Variants in EML4 observed in about 807,000 individuals in gnomAD.
EML4 encodes the protein EMAP like 4, also known as echinoderm microtubule-associated protein-like 4.
A neutral mutation model predicts 129.0 loss-of-function variants in EML4; 72 were observed. That is an observed-to-expected ratio of 0.56 (90% CI 0.46 to 0.68). The LOEUF is 0.68. Among genes scored for constraint, EML4 ranks in the 30% least tolerant of loss-of-function variants. The pLI, the probability that EML4 is intolerant of heterozygous loss-of-function variation, is 0.00. For synonymous variants in EML4, 532 were observed against 405.0 expected (o/e 1.31, Z -3.77); for missense variants, 1,363 against 1,190.6 (o/e 1.14, Z -2.13).
At chr2:42,231,216 T>C (rs762776024) in intron 1 of EML4, among the ~76,000 whole-genome samples, 2 of 152,212 alleles carry the variant, frequency 1.3e-5, no homozygotes, top group Non-Finnish European at 2.9e-5. Flanking sequence ...TCTTTTGATA[T>C]CTTTGCAGTC....
At chr2:42,251,210 T>A (rs1675745245) in intron 2 of EML4, among the ~76,000 whole-genome samples, 1 of 152,198 alleles carries the variant, frequency 6.6e-6, no homozygotes, top group Non-Finnish European at 1.5e-5. Context: ...CTAGGTTACA[T>A]AGGCAGTTGT....
intron 2 of EML4, among the ~76,000 whole-genome samples, chr2:42,254,961 T>C (rs780605190): frequency 1.3e-5 from 2 of 152,194 alleles, no homozygotes; most frequent in African/African-American, 2.4e-5. Flanking sequence ...ATGAAATATA[T>C]GTGCTACAAC....
chr2:42,323,173 T>G (rs760851507), intron 19 of EML4, among the ~76,000 whole-genome samples: 4 of 152,238 alleles, frequency 2.6e-5, no homozygotes, highest in Non-Finnish European at 2.9e-5. Flanking sequence ...CAGAGGCCTG[T>G]ACTTTGCCAT....
At chr2:42,224,650 T>G (rs1673834079) in intron 1 of EML4, among the ~76,000 whole-genome samples, 1 of 152,128 alleles carries the variant, frequency 6.6e-6, no homozygotes, top group African/African-American at 2.4e-5. Context: ...GTGGCTGTAC[T>G]GTTTACATTC....
At chr2:42,324,728 A>C (rs1400840599) in intron 19 of EML4, among the ~76,000 whole-genome samples, 1 of 152,262 alleles carries the variant, frequency 6.6e-6, no homozygotes, top group Middle Eastern at 3.2e-3. Context: ...GTGAACCATA[A>C]GATCTGTGTA....
In EML4 at chr2:42,316,004, C is replaced by T. The variant is rs879264320; in HGVS notation, c.2010C>T (p.Ile670=). 2.5e-6 allele frequency: 4 copies of T among 1,613,522 alleles called. No homozygotes were observed. The Admixed American group carries it at 5.0e-5, about 20-fold the overall frequency. Residue 670 remains isoleucine, a synonymous_variant, in exon 18 of 23, where the codon ATC becomes ATT. Coordinates refer to ENST00000318522, the MANE Select transcript of EML4 (RefSeq NM_019063.5). ...CAGAAACCAGAGATCTAGTTTCTATCCACACAGACGGGAATGAACAGCTCT... is the reference window on the plus strand; with the variant it reads ...CAGAAACCAGAGATCTAGTTTCTATTCACACAGACGGGAATGAACAGCTCT... ...LDAETRDLVS[I]HTDGNEQLSV...
At chr2:42,238,407 A>G (rs532179074) in intron 1 of EML4, among the ~76,000 whole-genome samples, 10 of 152,278 alleles carry the variant, frequency 6.6e-5, no homozygotes, top group Admixed American at 1.3e-4. Flanking sequence ...GCTAATCCCA[A>G]CTGCAAAGAG....
rs374607647 is a variant in EML4, at chr2:42,245,641, C to G, written c.162C>G (p.Ile54Met). The G allele has an allele frequency of 6.8e-6, 11 of 1,613,232 alleles. No homozygotes were observed. The highest frequency in any genetic ancestry group is 9.3e-6 in the Non-Finnish European group (11 of 1,179,594). Residue 54 changes from isoleucine to methionine, a missense_variant, in exon 2 of 23, where the codon ATC (isoleucine) becomes ATG (methionine). Coordinates refer to ENST00000318522, the MANE Select transcript of EML4 (RefSeq NM_019063.5). ...ALADVLRRLA[I>M]SEDHVASVKK... ...CTGATGTTTTGAGGCGTCTTGCAAT[C>G]TCTGAAGATCATGTGGCCTCAGTGA...
intron 1 of EML4, among the ~76,000 whole-genome samples, chr2:42,187,801 G>T (rs951280789): frequency 3.3e-5 from 5 of 152,062 alleles, no homozygotes; most frequent in African/African-American, 4.8e-5. Flanking sequence ...TAAACTAACA[G>T]TCTTTAGAAG....
In EML4 at chr2:42,331,811, G is replaced by T. The variant is rs979306186; in HGVS notation, c.*1604G>T. The T allele has an allele frequency of 4.5e-6, 1 of 222,340 alleles. No homozygotes were observed. Among genetic ancestry groups the T allele is most frequent in the African/African-American group, 2.2e-5 (1 of 44,706 alleles). The allele number at this position is 222,340 out of a possible 1,614,324, so 13.8% of individuals were successfully genotyped here. On this transcript the variant is annotated 3_prime_UTR_variant, in exon 23 of 23. Coordinates refer to ENST00000318522, the MANE Select transcript of EML4 (RefSeq NM_019063.5). ...TGTATGGAAGGGTGTGGGTGTGTGT[G>T]AAGGGGCGAGTGGAGACACTGTGTG...
At chr2:42,245,044 G>A (rs2104296994) in intron 1 of EML4, among the ~76,000 whole-genome samples, 1 of 144,572 alleles carries the variant, frequency 6.9e-6, no homozygotes, top group African/African-American at 2.6e-5. Context: ...AAGTTAATAT[G>A]TGTCAACATG....
chr2:42,279,337 A>C (rs1666870788), intron 6 of EML4, among the ~76,000 whole-genome samples: 2 of 152,244 alleles, frequency 1.3e-5, no homozygotes, highest in Admixed American at 6.5e-5. Flanking sequence ...ATCATATGGT[A>C]GTTGTGTTTT....
chr2:42,263,064 T>C (rs1665833510), intron 4 of EML4, 114 bp from the exon 5 acceptor site: 15 of 851,346 alleles, frequency 1.8e-5, no homozygotes, highest in Non-Finnish European at 1.8e-6. Context: ...TCCTTCTCTT[T>C]TCTGGATTAG....
intron 1 of EML4, among the ~76,000 whole-genome samples, chr2:42,228,181 A>G (rs1323495814): frequency 1.3e-5 from 2 of 151,938 alleles, no homozygotes; most frequent in Non-Finnish European, 2.9e-5. Flanking sequence ...AGATTATGCC[A>G]CTGCACTCCA....
chr2:42,203,041 G>T (rs10165230), intron 1 of EML4, among the ~76,000 whole-genome samples: 64,726 of 151,654 alleles, frequency 0.43, 14,092 homozygotes, highest in East Asian at 0.73. Context: ...ATAATAATAA[G>T]AAGAAGAATA....
chr2:42,179,772 T>G (rs1287481827), intron 1 of EML4, among the ~76,000 whole-genome samples: 2 of 151,964 alleles, frequency 1.3e-5, no homozygotes, highest in Non-Finnish European at 2.9e-5. Context: ...CCGGCTAGTT[T>G]TGTATTTTTA....
chr2:42,327,671 T>A (rs1193589606), intron 21 of EML4, among the ~76,000 whole-genome samples: 1 of 152,218 alleles, frequency 6.6e-6, no homozygotes, highest in Non-Finnish European at 1.5e-5. Context: ...TAAGCCTTCC[T>A]CAGTATTTAG....
intron 1 of EML4, among the ~76,000 whole-genome samples, chr2:42,235,840 A>G (rs1166853021): frequency 2.0e-5 from 3 of 152,158 alleles, no homozygotes; most frequent in Admixed American, 2.0e-4. Flanking sequence ...GTTCTTAGAA[A>G]TACAACTTCA....
intron 1 of EML4, among the ~76,000 whole-genome samples, chr2:42,224,421 A>G (rs1181036589): frequency 6.6e-6 from 1 of 152,176 alleles, no homozygotes; most frequent in Non-Finnish European, 1.5e-5. Flanking sequence ...TCACATGGGT[A>G]TAACCGTGTG....
Sources: gnomAD v4.1 joint callset for allele counts (sites outside exome capture counted in the v4.1 genomes callset) on GRCh38, gnomAD v4.1.1 for gene constraint, MANE v1.5 for transcripts, NCBI Gene and HGNC (gene_info 2026-07-23, HGNC 2026-07-21) for gene names.